ANO1: variants seen among roughly 807,000 people sequenced by gnomAD.
ANO1 encodes anoctamin-1.
ANO1 carries 59 observed loss-of-function variants against 124.0 expected under a neutral mutation model. The observed-to-expected ratio is 0.48, with a 90% CI of 0.39 to 0.59. The LOEUF (loss-of-function observed/expected upper bound fraction) is 0.59, where lower values mean the gene tolerates loss of function less well. ANO1 is among the 20% of genes least tolerant of loss of function. The pLI, the probability that ANO1 is intolerant of heterozygous loss-of-function variation, is 0.00. For missense variants in ANO1, 1,059 were observed against 1,328.0 expected (o/e 0.80, Z 3.15); for synonymous variants, 529 against 532.0 (o/e 0.99, Z 0.08).
At chr11:70,039,710 G>A (rs1198395823) in intron 1 of ANO1, among the ~76,000 whole-genome samples, 2 of 152,088 alleles carry the variant, frequency 1.3e-5, no homozygotes, top group Admixed American at 6.5e-5. Flanking sequence ...CTGGAAGAGG[G>A]CGTCCAGAAG....
intron 1 of ANO1, among the ~76,000 whole-genome samples, chr11:70,047,118 G>A (rs1857274148): frequency 6.7e-6 from 1 of 149,822 alleles, no homozygotes; most frequent in South Asian, 2.1e-4. Flanking sequence ...GAAAGAAAAA[G>A]GACATTAAGT....
intron 2 of ANO1, among the ~76,000 whole-genome samples, chr11:70,096,344 C>T (rs2044958350): frequency 6.6e-6 from 1 of 152,168 alleles, no homozygotes; most frequent in South Asian, 2.1e-4. Flanking sequence ...CTCTCCTCCT[C>T]CTCTGCTGGG....
At chr11:70,031,847 A>G (rs1306669505) in intron 1 of ANO1, among the ~76,000 whole-genome samples, 1 of 152,172 alleles carries the variant, frequency 6.6e-6, no homozygotes, top group East Asian at 1.9e-4. Flanking sequence ...CTGGCCAGCA[A>G]GCCTCCTCTG....
intron 1 of ANO1, among the ~76,000 whole-genome samples, chr11:69,994,868 C>G (rs373157455): frequency 1.3e-5 from 2 of 152,148 alleles, no homozygotes; most frequent in African/African-American, 2.4e-5. Flanking sequence ...AGGCATGAGA[C>G]GGGCTCACTT....
rs1224952335 is a variant in ANO1 at position 70,097,568 on chromosome 11, C to T, written c.442-5498C>T. The stretch of plus-strand genomic sequence containing the variant: ...GGGTGGAGGGTAGGAGTGAGCATTG[C>T]AGGGTCAAGGTCAGGCTGAGATTCC... On this transcript the variant is annotated intron_variant, in intron 2 of 25. Transcript: ENST00000355303. Among the ~76,000 whole-genome samples, 2 of 152,288 alleles carry T rather than the reference C, an allele frequency of 1.3e-5. 1 individual carries two copies. The highest frequency in any genetic ancestry group is 4.1e-4 in the South Asian group (2 of 4,822).
intron 2 of ANO1, among the ~76,000 whole-genome samples, chr11:70,092,465 C>T (rs941088815): frequency 5.9e-5 from 9 of 152,156 alleles, no homozygotes; most frequent in African/African-American, 9.7e-5. Flanking sequence ...TGGCTGAGGG[C>T]CAGGGAAGGT....
chr11:70,016,023 T>C (rs1335817103), intron 1 of ANO1, among the ~76,000 whole-genome samples: 2 of 103,680 alleles, frequency 1.9e-5, no homozygotes, highest in East Asian at 2.2e-3. Flanking sequence ...TTCCTTTCTT[T>C]CTTTTTTTTT....
At chr11:69,974,421 T>C in the ANO1 span, among the ~76,000 whole-genome samples, 1 of 152,212 alleles carries the variant, frequency 6.6e-6, no homozygotes, top group African/African-American at 2.4e-5. Context: ...TCACATGTTC[T>C]CCATGACAAA....
At chr11:70,098,007 A>G (rs1425222423) in intron 2 of ANO1, among the ~76,000 whole-genome samples, 1 of 152,218 alleles carries the variant, frequency 6.6e-6, no homozygotes, top group Non-Finnish European at 1.5e-5. Flanking sequence ...GGGATGTGGC[A>G]CTGGGCGTCA....
At chr11:70,026,185 G>GCTGGTGACA (rs1856903521) in intron 1 of ANO1, among the ~76,000 whole-genome samples, 1 of 151,508 alleles carries the variant, frequency 6.6e-6, no homozygotes. Context: ...TGGTGGTGAT[G>GCTGGTGACA]ATGATGATGG....
chr11:70,082,720 G>T (rs79671986), intron 1 of ANO1, among the ~76,000 whole-genome samples: 3 of 152,154 alleles, frequency 2.0e-5, no homozygotes, highest in Non-Finnish European at 4.4e-5. Flanking sequence ...CCCTCCCACT[G>T]CAATTACATC....
chr11:69,989,932 G>A lies in ANO1; in HGVS notation c.58+3766G>A, dbSNP rs191192377. Among the ~76,000 whole-genome samples, 242 of 152,312 alleles carry A rather than the reference G, an allele frequency of 1.6e-3. 1 individual carries two copies. The highest frequency in any genetic ancestry group is 2.7e-3 in the Non-Finnish European group (183 of 68,016). On this transcript the variant is annotated intron_variant, in intron 1 of 27. Transcript: ENST00000531349. ...GACCACAAGGAGAGGTTTGGGTGGG[G>A]ATAAGTGAGAGGTTTACTACTTGTT...
At chr11:69,985,018 C>G (rs997161128), upstream of ANO1, among the ~76,000 whole-genome samples, 1 of 152,204 alleles carries the variant, frequency 6.6e-6, no homozygotes, top group South Asian at 2.1e-4. Context: ...TCCCCACGCC[C>G]GCCCTCCGTA....
At chr11:70,033,090 G>T (rs952785469) in intron 1 of ANO1, among the ~76,000 whole-genome samples, 1 of 152,164 alleles carries the variant, frequency 6.6e-6, no homozygotes, top group African/African-American at 2.4e-5. Context: ...AGCTCGATGG[G>T]TGTGAGCCAG....
intron 1 of ANO1, among the ~76,000 whole-genome samples, chr11:70,059,494 T>A (rs782259907): frequency 5.9e-5 from 9 of 152,054 alleles, no homozygotes; most frequent in Non-Finnish European, 1.0e-4. Context: ...ACCCATCCGA[T>A]GAAGGTGTTG....
intron 1 of ANO1, among the ~76,000 whole-genome samples, chr11:70,018,524 C>A (rs1050287191): frequency 6.6e-6 from 1 of 152,162 alleles, no homozygotes. Context: ...TGCTTCTAGA[C>A]TCCACTGCAC....
Position 70,161,700 on chromosome 11 carries a change from C to G in ANO1, c.1859C>G (p.Thr620Ser), listed in dbSNP as rs1222611414. Residue 620 changes from threonine to serine, a missense_variant, in exon 18 of 26, where the codon ACC becomes AGC. By Grantham distance (58) the Thr-to-Ser change is moderately conservative (BLOSUM62 1). Around this residue, in one of 2 missense-constraint regions of ANO1, gnomAD observed 809 missense variants for 1,094.9 expected, o/e 0.74. Transcript: ENST00000355303. The stretch of plus-strand genomic sequence containing the variant: ...CTGCTGAAGTTTGTGAATTCCTACA[C>G]CCCCATCTTTTACGTGGCGTTCTTC... The part of the protein sequence containing the change: ...AFLLKFVNSY[T>S]PIFYVAFFKG... The G allele has an allele frequency of 6.2e-7, 1 of 1,613,884 alleles. No homozygotes were observed. Among genetic ancestry groups the G allele is most frequent in the Non-Finnish European group, 8.5e-7 (1 of 1,179,878 alleles).
intron 1 of ANO1, among the ~76,000 whole-genome samples, chr11:70,019,246 CACA>C (rs782411461): frequency 2.6e-5 from 2 of 76,704 alleles, no homozygotes; most frequent in South Asian, 5.4e-4. Flanking sequence ...AACCCCCCCA[CACA>C]CACACACACA....
At chr11:70,107,649 G>A (rs925397828) in intron 5 of ANO1, among the ~76,000 whole-genome samples, 2 of 152,238 alleles carry the variant, frequency 1.3e-5, no homozygotes, top group Non-Finnish European at 2.9e-5. Context: ...GAAAAACTGA[G>A]GCCGGGAGTG....
Sources: allele counts gnomAD v4.1 joint callset (sites outside exome capture counted in the v4.1 genomes callset), GRCh38; gene constraint gnomAD v4.1.1; regional missense constraint gnomAD v4.1.1; transcripts MANE v1.5; gene names NCBI Gene and HGNC (gene_info 2026-07-23, HGNC 2026-07-21).